Variants in ANKRD11 observed in about 807,000 individuals in gnomAD.
ANKRD11 encodes ankyrin repeat domain-containing protein 11.
A neutral mutation model predicts 195.7 loss-of-function variants in ANKRD11; 17 were observed. The observed-to-expected ratio is 0.09, with a 90% CI of 0.06 to 0.13. The LOEUF is 0.13. ANKRD11 is among the 10% of genes least tolerant of loss of function. ANKRD11 has a pLI of 1.00. For synonymous variants in ANKRD11, 1,953 were observed against 1,528.1 expected, an observed-to-expected ratio of 1.28 and a Z score of -6.49; for missense variants, 3,735 against 3,566.1, an observed-to-expected ratio of 1.05 and a Z score of -1.21.
At chr16:89,393,658 G>A (rs1050271176) in intron 2 of ANKRD11, among the ~76,000 whole-genome samples, 3 of 151,984 alleles carry the variant, frequency 2.0e-5, no homozygotes, top group African/African-American at 7.3e-5. Flanking sequence ...CCTCTTAGGT[G>A]GAGTAATCAC....
chr16:89,457,814 T>C (rs1448855235), intron 1 of ANKRD11, among the ~76,000 whole-genome samples: 2 of 152,146 alleles, frequency 1.3e-5, no homozygotes, highest in African/African-American at 4.8e-5. Context: ...TGGCTGCTTT[T>C]ATTATATAAA....
At chr16:89,294,831 C>T (rs985002123) in intron 4 of ANKRD11, among the ~76,000 whole-genome samples, 8 of 152,214 alleles carry the variant, frequency 5.3e-5, no homozygotes, top group South Asian at 2.1e-4. Flanking sequence ...CCCTGAGAAA[C>T]GCTCCTCTGA....
At chr16:89,422,330 G>C (rs973015480) in intron 1 of ANKRD11, 1 of 151,874 alleles carries the variant, frequency 6.6e-6, no homozygotes. Flanking sequence ...ACCATTAAAA[G>C]AATTTTTTTA....
intron 2 of ANKRD11, among the ~76,000 whole-genome samples, chr16:89,390,362 G>A (rs531516023): frequency 3.9e-4 from 60 of 152,134 alleles, no homozygotes; most frequent in Admixed American, 1.4e-3. Flanking sequence ...CGAGTGTGGC[G>A]GGGAGCACTG....
At chr16:89,324,324 C>T (rs1431838214) in intron 2 of ANKRD11, 29 of 1,244,584 alleles carry the variant, frequency 2.3e-5, no homozygotes, top group East Asian at 5.6e-5. Flanking sequence ...ACACAGCAGT[C>T]GGGGCGACGT....
chr16:89,327,951 C>G (rs1156865959), intron 2 of ANKRD11, among the ~76,000 whole-genome samples: 1 of 152,188 alleles, frequency 6.6e-6, no homozygotes, highest in Non-Finnish European at 1.5e-5. Flanking sequence ...AAAAGACAAA[C>G]TGCAGACAGG....
At chr16:89,406,557 G>A (rs1233677416) in intron 2 of ANKRD11, among the ~76,000 whole-genome samples, 1 of 152,216 alleles carries the variant, frequency 6.6e-6, no homozygotes, top group Admixed American at 6.5e-5. Context: ...GCTGCAGCGA[G>A]GAAGACAGAT....
At chr16:89,352,829 C>G (rs1177741160) in intron 2 of ANKRD11, among the ~76,000 whole-genome samples, 3 of 152,210 alleles carry the variant, frequency 2.0e-5, no homozygotes, top group Non-Finnish European at 4.4e-5. Flanking sequence ...GGCCCCCAAG[C>G]AGGGCCCCTA....
Position 89,281,495 on chromosome 16 carries a change from G to A in ANKRD11, c.5047C>T (p.Pro1683Ser), listed in dbSNP as rs757768089. The stretch of plus-strand genomic sequence containing the variant: ...GCAGGCAGGACCTCTTTCATGTGAG[G>A]GCCTGCCAGCCAGTCTTTGGAGTCT... ...GADSKDWLAG[P>S]HMKEVLPASP... Residue 1683 changes from proline (P) to serine (S), a missense_variant, in exon 9 of 13, where the codon CCT becomes TCT. Physicochemically the swap from Pro to Ser is moderately conservative, Grantham distance 74. Transcript: ENST00000301030. This position sits in a 1 kb window ranked among gnomAD's most constrained non-coding sequence, Gnocchi z 5.5. The A allele has an allele frequency of 1.2e-6, 2 of 1,614,202 alleles. No homozygotes were observed. The highest frequency in any genetic ancestry group is 1.1e-5 in the South Asian group (1 of 91,080).
At chr16:89,448,090 G>A (rs1241490524) in intron 1 of ANKRD11, among the ~76,000 whole-genome samples, 1 of 152,132 alleles carries the variant, frequency 6.6e-6, no homozygotes, top group Non-Finnish European at 1.5e-5. Context: ...CAGGCATGGA[G>A]AGTTGGGCCA....
chr16:89,379,694 C>T (rs1274061843), intron 2 of ANKRD11, among the ~76,000 whole-genome samples: 4 of 152,162 alleles, frequency 2.6e-5, no homozygotes, highest in Non-Finnish European at 4.4e-5. Flanking sequence ...CCAAGCAGCA[C>T]GGAAGAGCTC....
chr16:89,471,782 CAAAAAAAAAAA>C (rs56391654), intron 1 of ANKRD11, among the ~76,000 whole-genome samples: 3 of 53,492 alleles, frequency 5.6e-5, no homozygotes, highest in Admixed American at 2.7e-4. Context: ...GACTCTGTCT[CAAAAAAAAAAA>C]AAAAAAAAAA....
chr16:89,484,584 G>A (rs892418253), intron 1 of ANKRD11, among the ~76,000 whole-genome samples: 2 of 152,134 alleles, frequency 1.3e-5, no homozygotes, highest in African/African-American at 4.8e-5. Context: ...AGGGAGTCGA[G>A]GAAGGGCAAC....
At chr16:89,441,190 C>T (rs147980292) in intron 1 of ANKRD11, among the ~76,000 whole-genome samples, 225 of 151,798 alleles carry the variant, frequency 1.5e-3, no homozygotes, top group East Asian at 9.4e-3. Flanking sequence ...GAGCCAGGAT[C>T]GAGCCACTGC....
chr16:89,350,376 A>T (rs1327940401), intron 2 of ANKRD11, among the ~76,000 whole-genome samples: 3 of 152,190 alleles, frequency 2.0e-5, no homozygotes, highest in Non-Finnish European at 4.4e-5. Flanking sequence ...AACTACTCAT[A>T]TCAGCTTGAC....
chr16:89,371,868 T>C (rs934505744), intron 2 of ANKRD11, among the ~76,000 whole-genome samples: 12 of 151,916 alleles, frequency 7.9e-5, no homozygotes, highest in African/African-American at 2.9e-4. Flanking sequence ...GAAAGGGAGG[T>C]AGACCTGGTG....
At chr16:89,385,200 G>T (rs1223451201) in intron 2 of ANKRD11, among the ~76,000 whole-genome samples, 11 of 145,268 alleles carry the variant, frequency 7.6e-5, no homozygotes, top group African/African-American at 2.8e-4. Flanking sequence ...TTTTTTGTTT[G>T]TTTGTTTGAG....
intron 9 of ANKRD11, among the ~76,000 whole-genome samples, chr16:89,276,124 G>C (rs2033631598): frequency 6.6e-6 from 1 of 152,246 alleles, no homozygotes; most frequent in African/African-American, 2.4e-5. Flanking sequence ...GCACGGGGCA[G>C]ATGGGCAGGT....
chr16:89,309,742 G>T (rs2036506966), intron 3 of ANKRD11, among the ~76,000 whole-genome samples: 1 of 152,208 alleles, frequency 6.6e-6, no homozygotes, highest in Admixed American at 6.5e-5. Flanking sequence ...CAGCACAAGA[G>T]GACTGTCAGC....
Sources: gnomAD v4.1 joint callset for allele counts (sites outside exome capture counted in the v4.1 genomes callset) on GRCh38, gnomAD v4.1.1 for gene constraint, Gnocchi (gnomAD v3.1) non-coding constraint, MANE v1.5 for transcripts, NCBI Gene and HGNC (gene_info 2026-07-23, HGNC 2026-07-21) for gene names.